GRID2: variants seen among roughly 807,000 people sequenced by gnomAD.
The protein encoded by GRID2 is glutamate ionotropic receptor delta type subunit 2, also known as glutamate receptor ionotropic, delta-2.
A neutral mutation model predicts 114.8 loss-of-function variants in GRID2; 33 were observed. The observed-to-expected ratio is 0.29, with a 90% confidence interval of 0.22 to 0.38. GRID2 has a LOEUF of 0.38. GRID2 is among the 10% of genes least tolerant of loss of function. The probability of loss-of-function intolerance (pLI) is 1.00; values close to 1 mark genes in which losing one functional copy is unlikely to be tolerated. For missense variants in GRID2, 1,184 were observed against 1,257.7 expected, an observed-to-expected ratio of 0.94 and a Z score of 0.89; for synonymous variants, 505 against 449.9, an observed-to-expected ratio of 1.12 and a Z score of -1.55.
chr4:92,315,451 G>T (rs1350368167), intron 1 of GRID2, among the ~76,000 whole-genome samples: 3 of 152,126 alleles, frequency 2.0e-5, no homozygotes, highest in African/African-American at 7.2e-5. Flanking sequence ...AACATTGAAA[G>T]ATATTTTCTA....
intron 2 of GRID2, among the ~76,000 whole-genome samples, chr4:93,022,219 AAC>A (rs539749403): frequency 8.2e-4 from 124 of 151,792 alleles, no homozygotes; most frequent in African/African-American, 2.9e-3. Context: ...CACACACACA[AAC>A]ACACACATAT....
At chr4:92,594,426 G>T (rs1728852546) in intron 2 of GRID2, among the ~76,000 whole-genome samples, 1 of 151,790 alleles carries the variant, frequency 6.6e-6, no homozygotes, top group Admixed American at 6.6e-5. Flanking sequence ...TATTTTTAAG[G>T]TAACTTTCAT....
Position 93,591,747 on chromosome 4 carries a change from G to C in GRID2, c.2194-34522G>C, listed in dbSNP as rs188495941. 8.9e-3 allele frequency among the ~76,000 whole-genome samples: 1,349 copies of C among 152,214 alleles called. 14 individuals are homozygous for C. Among genetic ancestry groups the C allele is most frequent in the Middle Eastern group, 0.034 (10 of 292 alleles). The stretch of plus-strand genomic sequence containing the variant: ...CACAATTTCAGATCCTGTTATTGGT[G>C]TATTCAGAGATTCAACTTCTTCCTG... On this transcript the variant is annotated intron_variant, in intron 13 of 15. Coordinates refer to ENST00000282020, the MANE Select transcript of GRID2 (RefSeq NM_001510.4).
intron 2 of GRID2, among the ~76,000 whole-genome samples, chr4:92,905,009 G>T (rs1290276283): frequency 6.6e-6 from 1 of 151,948 alleles, no homozygotes; most frequent in Non-Finnish European, 1.5e-5. Context: ...ATCAATATAA[G>T]CAGTCTCTTG....
chr4:93,503,840 A>T (rs903646721), intron 12 of GRID2, among the ~76,000 whole-genome samples: 1 of 152,148 alleles, frequency 6.6e-6, no homozygotes, highest in Non-Finnish European at 1.5e-5. Flanking sequence ...ATTTAAAAAA[A>T]ATATTTATTT....
At chr4:93,534,340 A>G (rs1032214285) in intron 13 of GRID2, among the ~76,000 whole-genome samples, 6 of 152,280 alleles carry the variant, frequency 3.9e-5, no homozygotes, top group Non-Finnish European at 8.8e-5. Flanking sequence ...GTTTTGATAT[A>G]CATATACTCA....
intron 2 of GRID2, among the ~76,000 whole-genome samples, chr4:92,886,961 C>A (rs1746416659): frequency 6.6e-6 from 1 of 152,050 alleles, no homozygotes; most frequent in East Asian, 1.9e-4. Flanking sequence ...AAAAAAAAAA[C>A]TGTTGAAATC....
At chr4:93,004,711 T>C (rs1307341573) in intron 2 of GRID2, among the ~76,000 whole-genome samples, 1 of 151,990 alleles carries the variant, frequency 6.6e-6, no homozygotes, top group African/African-American at 2.4e-5. Context: ...TCCTGACTCA[T>C]ATTCTCTACT....
chr4:93,183,791 C>G lies in GRID2; in HGVS notation c.736-23613C>G, dbSNP rs150794627. ...TGTTACCACTCAGGGAAGTTGGCTT[C>G]ATTCCCAGATTACAAATAAGGAAAC... On this transcript the variant is annotated intron_variant, in intron 4 of 15. Transcript: ENST00000282020. 4.2e-3 allele frequency among the ~76,000 whole-genome samples: 637 copies of G among 152,324 alleles called. 8 individuals are homozygous for G. The highest frequency in any genetic ancestry group is 0.015 in the African/African-American group (614 of 41,570).
chr4:92,638,878 A>C (rs954365091), intron 2 of GRID2, among the ~76,000 whole-genome samples: 2 of 151,024 alleles, frequency 1.3e-5, no homozygotes, highest in Non-Finnish European at 3.0e-5. Context: ...TTTTTGTTCT[A>C]TTTGTTCAGT....
rs1729706892 is a variant in GRID2, at chr4:93,516,182, G to C, written c.2193+771G>C. Among the ~76,000 whole-genome samples the C allele has an allele frequency of 2.6e-5, 4 of 152,070 alleles. No individual in the cohort carries two copies. The South Asian group carries it at 8.3e-4, about 32-fold the overall frequency. On this transcript the variant is annotated intron_variant, in intron 13 of 15. Coordinates refer to ENST00000282020, the MANE Select transcript of GRID2 (RefSeq NM_001510.4). ...ATGAACGTCAGTAATAGCAGCAATA[G>C]TGGTATACACTTTTTCTCTCTGACC...
At chr4:92,653,521 G>A (rs1732078530) in intron 2 of GRID2, among the ~76,000 whole-genome samples, 1 of 151,572 alleles carries the variant, frequency 6.6e-6, no homozygotes, top group Non-Finnish European at 1.5e-5. Flanking sequence ...ATTATCTTGG[G>A]CACATTTCCT....
At chr4:92,533,446 CACATACATACATACAT>C (rs71579567) in intron 1 of GRID2, among the ~76,000 whole-genome samples, 243 of 150,014 alleles carry the variant, frequency 1.6e-3, no homozygotes, top group African/African-American at 2.4e-3. Flanking sequence ...AGTACTAGGA[CACATACATACATACAT>C]ACATACATAC....
chr4:92,900,099 A>C (rs1157902699), intron 2 of GRID2, among the ~76,000 whole-genome samples: 2 of 152,174 alleles, frequency 1.3e-5, no homozygotes, highest in Non-Finnish European at 2.9e-5. Flanking sequence ...AAAGATGGGT[A>C]GGAATACAAT....
chr4:93,656,262 G>T (rs1032624790), intron 14 of GRID2, among the ~76,000 whole-genome samples: 1 of 151,908 alleles, frequency 6.6e-6, no homozygotes, highest in Non-Finnish European at 1.5e-5. Context: ...AATGTATTTT[G>T]TCTAAGTGGG....
intron 9 of GRID2, among the ~76,000 whole-genome samples, chr4:93,420,010 T>C (rs890366452): frequency 6.6e-6 from 1 of 152,136 alleles, no homozygotes. Flanking sequence ...TTCAACTTCC[T>C]GGTGATTAAA....
intron 9 of GRID2, among the ~76,000 whole-genome samples, chr4:93,414,066 A>C (rs1767468055): frequency 6.6e-6 from 1 of 152,194 alleles, no homozygotes; most frequent in Non-Finnish European, 1.5e-5. Context: ...ACCTCTAGGA[A>C]GTATGAGATG....
At chr4:93,226,614 A>G (rs957666114) in intron 7 of GRID2, among the ~76,000 whole-genome samples, 2 of 152,156 alleles carry the variant, frequency 1.3e-5, no homozygotes, top group South Asian at 2.1e-4. Flanking sequence ...TTAGAGTCAC[A>G]TGCTGTTTTA....
At position 93,006,931 on chromosome 4, in the gene GRID2, TAAAC is replaced by T. The variant is rs1294344718; in HGVS notation, c.245-78060_245-78057del. 2.7e-5 allele frequency among the ~76,000 whole-genome samples: 4 copies of T among 149,750 alleles called. No homozygotes were observed. In the East Asian group the frequency reaches 5.9e-4, roughly 22 times the overall value. On this transcript the variant is annotated intron_variant, in intron 2 of 15. Transcript: ENST00000282020. ...AACCAAGAAACAACAACAACAAAAA[TAAAC>T]AAAAAACCCTGTCTTAAATATATTT...
Sources: gnomAD v4.1 joint callset for allele counts (sites outside exome capture counted in the v4.1 genomes callset) on GRCh38, gnomAD v4.1.1 for gene constraint, MANE v1.5 for transcripts, NCBI Gene and HGNC (gene_info 2026-07-23, HGNC 2026-07-21) for gene names.